The following NAV3 variants were observed in gnomAD, a reference collection of about 807,000 sequenced individuals.
The protein encoded by NAV3 is pore membrane and/or filament interacting like protein 1.
In NAV3, 87 loss-of-function variants were observed where a neutral mutation model predicts 244.7. The observed-to-expected ratio is 0.36, with a 90% CI of 0.30 to 0.42. The LOEUF (loss-of-function observed/expected upper bound fraction) is 0.42, where lower values mean the gene tolerates loss of function less well. Among genes scored for constraint, NAV3 ranks in the 20% least tolerant of loss-of-function variants. NAV3 has a pLI of 1.00. For synonymous variants in NAV3, 1,126 were observed against 1,042.2 expected (o/e 1.08, Z -1.55); for missense variants, 2,663 against 2,893.3 (o/e 0.92, Z 1.83).
At chr12:77,875,396 C>G (rs1881701900) in intron 1 of NAV3, among the ~76,000 whole-genome samples, 1 of 151,998 alleles carries the variant, frequency 6.6e-6, no homozygotes, top group African/African-American at 2.4e-5. Context: ...TCACTTCTTA[C>G]TCATTATCTT....
chr12:77,996,865 G>C (rs1211281261), intron 6 of NAV3, among the ~76,000 whole-genome samples: 1 of 152,122 alleles, frequency 6.6e-6, no homozygotes, highest in Non-Finnish European at 1.5e-5. Context: ...TTTCAGAGTA[G>C]TACACAGTGA....
intron 4 of NAV3, among the ~76,000 whole-genome samples, chr12:77,967,044 A>G (rs992091191): frequency 6.6e-6 from 1 of 152,222 alleles, no homozygotes; most frequent in South Asian, 2.1e-4. Flanking sequence ...TAAATTACAC[A>G]TTTAATGACC....
intron 23 of NAV3, among the ~76,000 whole-genome samples, chr12:78,159,803 G>A (rs1156637143): frequency 1.3e-5 from 2 of 152,012 alleles, no homozygotes; most frequent in African/African-American, 4.8e-5. Context: ...TCCTTGCTGG[G>A]CAGTCTATTA....
chr12:77,934,035 A>G (rs1889081591), intron 1 of NAV3, among the ~76,000 whole-genome samples: 1 of 152,168 alleles, frequency 6.6e-6, no homozygotes, highest in Non-Finnish European at 1.5e-5. Flanking sequence ...TCTCAGTTCA[A>G]AGTAACATAA....
At chr12:77,971,602 A>G (rs1009505408) in intron 5 of NAV3, among the ~76,000 whole-genome samples, 1 of 152,296 alleles carries the variant, frequency 6.6e-6, no homozygotes, top group Middle Eastern at 3.4e-3. Context: ...ATAATGTAGT[A>G]TCTATGGGTT....
At chr12:77,989,276 G>A (rs969857203) in intron 5 of NAV3, among the ~76,000 whole-genome samples, 3 of 152,256 alleles carry the variant, frequency 2.0e-5, no homozygotes, top group African/African-American at 7.2e-5. Flanking sequence ...ATAAAAACGG[G>A]ATGGCAGTAA....
At chr12:78,167,659 A>G (rs903057639) in intron 23 of NAV3, among the ~76,000 whole-genome samples, 1 of 151,808 alleles carries the variant, frequency 6.6e-6, no homozygotes, top group African/African-American at 2.4e-5. Flanking sequence ...ATTATTTACC[A>G]GAGAATGAAG....
chr12:78,064,446 C>T (rs990935677), intron 12 of NAV3, among the ~76,000 whole-genome samples: 2 of 151,414 alleles, frequency 1.3e-5, no homozygotes. Context: ...TGCCTGCCTG[C>T]CTGCCTGCCT....
chr12:77,933,611 C>T (rs1418405651), intron 1 of NAV3, among the ~76,000 whole-genome samples: 1 of 152,144 alleles, frequency 6.6e-6, no homozygotes, highest in Admixed American at 6.5e-5. Context: ...ACTATCTGTA[C>T]AGACTGAGGT....
upstream of NAV3, among the ~76,000 whole-genome samples, chr12:77,830,635 G>C (rs752713031): frequency 6.6e-6 from 1 of 152,204 alleles, no homozygotes; most frequent in Non-Finnish European, 1.5e-5. Flanking sequence ...TGATTTAACT[G>C]CTTTAGCTAG....
At chr12:77,603,736 T>C (rs989984832) in intron 2 of NAV3, among the ~76,000 whole-genome samples, 5 of 152,064 alleles carry the variant, frequency 3.3e-5, no homozygotes, top group African/African-American at 1.2e-4. Context: ...GGTGGATCGA[T>C]AATGAATTAT....
intron 2 of NAV3, among the ~76,000 whole-genome samples, chr12:77,623,960 A>G (rs925953196): frequency 2.0e-5 from 3 of 152,232 alleles, no homozygotes; most frequent in Admixed American, 2.0e-4. Flanking sequence ...CATTCTTTCA[A>G]CAAATGCTTT....
intron 7 of NAV3, among the ~76,000 whole-genome samples, chr12:78,001,674 G>A (rs745483258): frequency 3.3e-5 from 5 of 152,092 alleles, no homozygotes; most frequent in Admixed American, 6.6e-5. Context: ...TAGTGTGCTC[G>A]TTTTACAGTC....
intron 2 of NAV3, among the ~76,000 whole-genome samples, chr12:77,665,020 C>G (rs1249249828): frequency 6.6e-6 from 1 of 152,130 alleles, no homozygotes; most frequent in Non-Finnish European, 1.5e-5. Context: ...GGTGCACACC[C>G]CCTCGCCTGG....
At chr12:77,723,497 A>G (rs1311772080) in intron 2 of NAV3, among the ~76,000 whole-genome samples, 2 of 152,070 alleles carry the variant, frequency 1.3e-5, no homozygotes, top group African/African-American at 4.8e-5. Context: ...GGCTATTAAG[A>G]AGCCAATGAT....
intron 2 of NAV3, among the ~76,000 whole-genome samples, chr12:77,781,091 A>T (rs1468462270): frequency 6.6e-6 from 1 of 152,174 alleles, no homozygotes; most frequent in Non-Finnish European, 1.5e-5. Context: ...GTGGGTTAGA[A>T]GTCTGCTAAG....
rs899436556 is a variant in NAV3, at chr12:78,132,258, G to A, written c.4441+3392G>A. Reference sequence around the variant, plus strand: ...GAATTATACTTTTACTGACAACAAAGCTCTCTGTAGAGCTTTAATGTTCTA... The same window carrying A: ...GAATTATACTTTTACTGACAACAAAACTCTCTGTAGAGCTTTAATGTTCTA... On this transcript the variant is annotated intron_variant, in intron 18 of 39. Coordinates refer to ENST00000397909, the MANE Select transcript of NAV3 (RefSeq NM_001024383.2). 2.0e-5 allele frequency among the ~76,000 whole-genome samples: 3 copies of A among 152,110 alleles called. No individual in the cohort carries two copies. The East Asian group carries it at 5.8e-4, about 29-fold the overall frequency.
chr12:77,851,434 G>A (rs926582153), intron 1 of NAV3, among the ~76,000 whole-genome samples: 1 of 152,134 alleles, frequency 6.6e-6, no homozygotes, highest in African/African-American at 2.4e-5. Flanking sequence ...CCAAGATTTT[G>A]TATTTGATAG....
At chr12:77,733,644 TA>T (rs1298142727) in intron 2 of NAV3, among the ~76,000 whole-genome samples, 5 of 151,874 alleles carry the variant, frequency 3.3e-5, no homozygotes, top group African/African-American at 1.2e-4. Context: ...AAGTTACACT[TA>T]AATGGTGGCT....
Sources: gnomAD v4.1 joint callset for allele counts (sites outside exome capture counted in the v4.1 genomes callset) on GRCh38, gnomAD v4.1.1 for gene constraint, MANE v1.5 for transcripts, NCBI Gene and HGNC (gene_info 2026-07-23, HGNC 2026-07-21) for gene names.